Variants in ACSM2A observed in about 807,000 individuals in gnomAD.
The protein encoded by ACSM2A is acyl-coenzyme A synthetase ACSM2A, mitochondrial.
ACSM2A carries 72 observed loss-of-function variants against 76.6 expected under a neutral mutation model. That is an observed-to-expected ratio of 0.94 (90% CI 0.78 to 1.14). The LOEUF (loss-of-function observed/expected upper bound fraction) is 1.14, where lower values mean the gene tolerates loss of function less well. ACSM2A is among the 50% of genes most tolerant of loss of function. ACSM2A has a pLI of 0.00. For synonymous variants in ACSM2A, 249 were observed against 255.9 expected (o/e 0.97, Z 0.26); for missense variants, 684 against 708.5 (o/e 0.97, Z 0.39).
At chr16:20,480,779 G>C in intron 11 of ACSM2A, 43 bp from the exon 12 acceptor site, 5 of 1,613,722 alleles carry the variant, frequency 3.1e-6, no homozygotes, top group Non-Finnish European at 4.2e-6. Context: ...ATGGCCTAGA[G>C]GTTCGGTGTC....
intron 10 of ACSM2A, among the ~76,000 whole-genome samples, chr16:20,479,720 G>C (rs2013975741): frequency 6.6e-6 from 1 of 152,162 alleles, no homozygotes; most frequent in South Asian, 2.1e-4. Context: ...TATGTCATGG[G>C]CTTCTCCCCA....
intron 8 of ACSM2A, 42 bp from the exon 9 acceptor site, chr16:20,477,327 C>A: frequency 6.3e-7 from 1 of 1,581,480 alleles, no homozygotes; most frequent in Non-Finnish European, 8.6e-7. Flanking sequence ...TGACCTTGTA[C>A]CTCCTCCTGA....
intron 6 of ACSM2A, among the ~76,000 whole-genome samples, chr16:20,472,702 T>C (rs1340692807): frequency 6.6e-6 from 1 of 151,832 alleles, no homozygotes; most frequent in Non-Finnish European, 1.5e-5. Flanking sequence ...ATTTTATCTC[T>C]TCTTGGAATT....
intron 3 of ACSM2A, among the ~76,000 whole-genome samples, chr16:20,467,818 G>A (rs1454359202): frequency 6.6e-6 from 1 of 152,114 alleles, no homozygotes; most frequent in Non-Finnish European, 1.5e-5. Flanking sequence ...ACAGAAATTT[G>A]AGAATCATCA....
At chr16:20,469,823 G>A (rs2013268026) in intron 4 of ACSM2A, 104 bp downstream of exon 4, 3 of 1,473,898 alleles carry the variant, frequency 2.0e-6, no homozygotes, top group Non-Finnish European at 2.8e-6. Flanking sequence ...AGAACAGCAT[G>A]GGACTAGGAA....
chr16:20,483,036 C>G (rs1567377169), intron 12 of ACSM2A, 22 bp from the exon 13 acceptor site: 33 of 1,612,872 alleles, frequency 2.0e-5, no homozygotes, highest in Non-Finnish European at 2.6e-5. Flanking sequence ...TCCCTTCTCT[C>G]TGGCCTTCAT....
intron 2 of ACSM2A, 64 bp from the exon 3 acceptor site, chr16:20,465,453 T>C: frequency 6.3e-7 from 1 of 1,577,380 alleles, no homozygotes; most frequent in East Asian, 2.3e-5. Flanking sequence ...TCCCAAGACT[T>C]GGAATTTATC....
intron 1 of ACSM2A, chr16:20,453,579 G>A (rs1445973772): frequency 8.0e-6 from 1 of 124,956 alleles, no homozygotes; most frequent in African/African-American, 3.3e-5. Context: ...AGTATACCTG[G>A]AAAAAGAACA....
chr16:20,478,522 T>C (rs2013887934), intron 9 of ACSM2A, 54 bp from the exon 10 acceptor site: 6 of 1,582,918 alleles, frequency 3.8e-6, no homozygotes, highest in Admixed American at 3.4e-5. Flanking sequence ...CATGATGCCA[T>C]TGAAGCCATC....
intron 4 of ACSM2A, chr16:20,470,678 C>G: frequency 2.6e-6 from 1 of 388,238 alleles, no homozygotes; most frequent in Non-Finnish European, 5.0e-6. Flanking sequence ...TTAATTCCAC[C>G]CCTCCTGTCC....
chr16:20,480,473 T>A (rs907961113), intron 10 of ACSM2A, 100 bp from the exon 11 acceptor site: 6 of 1,522,812 alleles, frequency 3.9e-6, no homozygotes, highest in Non-Finnish European at 4.4e-6. Flanking sequence ...ACTGCACACC[T>A]GCAGTTTTAA....
At position 20,478,627 on chromosome 16, in the gene ACSM2A, G is replaced by A. The variant is rs534821524; in HGVS notation, c.1231G>A (p.Gly411Ser). Reference sequence around the variant, plus strand: ...GCCCCCCGGCACAGAAGGAGACATTGGCATCAGGGTCAAACCCATCAGGCC... The same window carrying A: ...GCCCCCCGGCACAGAAGGAGACATTAGCATCAGGGTCAAACCCATCAGGCC... ...VLPPGTEGDI[G>S]IRVKPIRPIG... Residue 411 changes from glycine to serine, a missense_variant, in exon 10 of 14, where the codon GGC (glycine) becomes AGC (serine). Physicochemically the swap from Gly to Ser is moderately conservative, Grantham distance 56. Transcript: ENST00000573854. 2 of 1,613,784 alleles carry A rather than the reference G, an allele frequency of 1.2e-6. No homozygotes were observed. The highest frequency in any genetic ancestry group is 1.7e-6 in the Non-Finnish European group (2 of 1,179,860).
chr16:20,465,661 C>A lies in ACSM2A; in HGVS notation c.322C>A (p.Arg108Ser), dbSNP rs376136828. 55 of 1,613,864 alleles carry A rather than the reference C, an allele frequency of 3.4e-5. No individual in the cohort carries two copies. The highest frequency in any genetic ancestry group is 4.4e-5 in the Non-Finnish European group (52 of 1,179,880). ...AGCCTGTGGCCTGCAGCGTGGGGAT[C>A]GTGTGGCAGTGGTGCTGCCCCGAGT... ...SGACGLQRGDRVAVVLPRVPE... is the reference protein window; with the variant it reads ...SGACGLQRGDSVAVVLPRVPE... The change falls in exon 3 of 14, where the codon CGT (arginine) becomes AGT (serine). Residue 108 changes from arginine (R) to serine (S), a missense_variant. By Grantham distance (110) the Arg-to-Ser change is moderately radical. Transcript: ENST00000573854.
rs375486535 is a variant in ACSM2A at position 20,466,176 on chromosome 16, T to A, written c.388+449T>A. Among the ~76,000 whole-genome samples the A allele has an allele frequency of 1.0e-3, 153 of 152,000 alleles. 3 individuals are homozygous for A. The South Asian group carries it at 0.03, about 30-fold the overall frequency. On this transcript the variant is annotated intron_variant, in intron 3 of 13. Coordinates refer to ENST00000573854, the MANE Select transcript of ACSM2A (RefSeq NM_001308172.2). ...AGTTGCACTACAGTGGCAACTTGAG[T>A]AGTTGGAACAAGAGAGTGTCTTATC...
chr16:20,475,063 G>A (rs1302827880), intron 6 of ACSM2A, among the ~76,000 whole-genome samples: 1 of 151,788 alleles, frequency 6.6e-6, no homozygotes, highest in African/African-American at 2.4e-5. Context: ...TCCTAGGGGT[G>A]TGTTAACGAG....
intron 8 of ACSM2A, chr16:20,476,120 G>C (rs2013725334): frequency 9.2e-7 from 1 of 1,088,934 alleles, no homozygotes. Context: ...ATTCCTCTGT[G>C]ATGGGGAAAC....
intron 2 of ACSM2A, among the ~76,000 whole-genome samples, chr16:20,461,522 T>C (rs1457788135): frequency 6.6e-6 from 1 of 151,996 alleles, no homozygotes; most frequent in Non-Finnish European, 1.5e-5. Flanking sequence ...GCAAAATAAA[T>C]GACTAATGAA....
At chr16:20,483,569 CAAAAAAAAAAAAAAAA>C (rs60606533) in intron 13 of ACSM2A, among the ~76,000 whole-genome samples, 14 of 32,222 alleles carry the variant, frequency 4.3e-4, no homozygotes, top group South Asian at 6.3e-3. Context: ...GACTCTGTCT[CAAAAAAAAAAAAAAAA>C]AAAAAAAAAA....
In ACSM2A at chr16:20,475,532, C is replaced by T. The variant is rs1596667518; in HGVS notation, c.974+91C>T. 5.6e-6 allele frequency: 9 copies of T among 1,602,550 alleles called. No individual in the cohort carries two copies. In the East Asian group the frequency reaches 2.0e-4, roughly 36 times the overall value. On this transcript the variant is annotated intron_variant, in intron 7 of 13. Coordinates refer to ENST00000573854, the MANE Select transcript of ACSM2A (RefSeq NM_001308172.2). ...CATGCCTATCTATCTGAATCTCTCG[C>T]ACACAGAGAGCCCCATGAAGCCATT...
Sources: allele counts gnomAD v4.1 joint callset (sites outside exome capture counted in the v4.1 genomes callset), GRCh38; gene constraint gnomAD v4.1.1; transcripts MANE v1.5; gene names NCBI Gene and HGNC (gene_info 2026-07-23, HGNC 2026-07-21).